IPCEF1: variants seen among roughly 807,000 people sequenced by gnomAD.
IPCEF1 encodes the protein interaction protein for cytohesin exchange factors 1.
A neutral mutation model predicts 50.9 loss-of-function variants in IPCEF1; 31 were observed. The ratio of observed to expected loss-of-function variants is 0.61; its 90% confidence interval spans 0.46 to 0.82. IPCEF1 has a LOEUF of 0.82. Ranked by LOEUF, IPCEF1 falls within the 40% of genes least tolerant of loss-of-function variation. The probability of loss-of-function intolerance (pLI) is 0.00; values close to 1 mark genes in which losing one functional copy is unlikely to be tolerated. For missense variants in IPCEF1, 458 were observed against 514.0 expected (o/e 0.89, Z 1.05); for synonymous variants, 181 against 192.0 (o/e 0.94, Z 0.47).
chr6:154,254,530 C>A (rs892629451), intron 3 of IPCEF1, among the ~76,000 whole-genome samples: 3 of 152,208 alleles, frequency 2.0e-5, no homozygotes, highest in African/African-American at 4.8e-5. Flanking sequence ...CCAGGTCCCT[C>A]CCTCAACATG....
chr6:154,310,063 C>A (rs368896421), intron 1 of IPCEF1, among the ~76,000 whole-genome samples: 37 of 152,292 alleles, frequency 2.4e-4, no homozygotes, highest in African/African-American at 8.7e-4. Context: ...CACACCCGGC[C>A]GTCGCTGTGC....
chr6:154,201,000 T>C (rs556768436), intron 9 of IPCEF1, among the ~76,000 whole-genome samples: 67 of 152,298 alleles, frequency 4.4e-4, no homozygotes, highest in Non-Finnish European at 6.9e-4. Context: ...GTTCTCATGA[T>C]AGTGAGTGAG....
chr6:154,313,067 C>CAAAAAAAAAAAAAAAAAAAA (rs71021040), intron 1 of IPCEF1, among the ~76,000 whole-genome samples: 2 of 59,038 alleles, frequency 3.4e-5, no homozygotes, highest in African/African-American at 2.1e-4. Flanking sequence ...GGCCCTGTCT[C>CAAAAAAAAAAAAAAAAAAAA]AAAAAAAAAA....
chr6:154,331,194 G>A (rs1444644771), intron 1 of IPCEF1, among the ~76,000 whole-genome samples: 2 of 151,976 alleles, frequency 1.3e-5, no homozygotes, highest in African/African-American at 2.4e-5. Context: ...TTGAACCCGG[G>A]AAGTGGAGGC....
In IPCEF1 at chr6:154,299,663, G is replaced by T. The variant is rs535418866; in HGVS notation, c.-61-9907C>A. 5.0e-5 allele frequency among the ~76,000 whole-genome samples: 7 copies of T among 140,332 alleles called. No homozygotes were observed. In the East Asian group the frequency reaches 1.4e-3, roughly 28 times the overall value. 92.1% of individuals were successfully genotyped at this position (140,332 alleles called of 152,430 possible). On this transcript the variant is annotated intron_variant, in intron 1 of 11. Coordinates refer to ENST00000367220, the MANE Select transcript of IPCEF1 (RefSeq NM_001130700.2). Reference sequence around the variant, plus strand: ...AATGCATGCTGGGCTTAATACCTAGGTGATGGGTTGATAGGTGCAGCAAAC... The same window carrying T: ...AATGCATGCTGGGCTTAATACCTAGTTGATGGGTTGATAGGTGCAGCAAAC...
At chr6:154,236,372 G>A (rs770042462) in intron 5 of IPCEF1, among the ~76,000 whole-genome samples, 1 of 152,210 alleles carries the variant, frequency 6.6e-6, no homozygotes, top group East Asian at 1.9e-4. Context: ...GAGGAGAATG[G>A]TGGTTGCCAG....
At chr6:154,214,363 G>T (rs1014179481) in intron 7 of IPCEF1, 87 bp from the exon 8 acceptor site, 23 of 913,106 alleles carry the variant, frequency 2.5e-5, no homozygotes, top group Non-Finnish European at 4.2e-5. Context: ...ATGAAATTAG[G>T]TCATGATTCT....
intron 2 of IPCEF1, among the ~76,000 whole-genome samples, chr6:154,286,087 C>A (rs1583947324): frequency 6.6e-6 from 1 of 152,072 alleles, no homozygotes. Flanking sequence ...AATTATGGGG[C>A]CAAGAATGTA....
At chr6:154,257,026 G>A (rs1781479160) in intron 3 of IPCEF1, among the ~76,000 whole-genome samples, 1 of 152,150 alleles carries the variant, frequency 6.6e-6, no homozygotes, top group Non-Finnish European at 1.5e-5. Context: ...TGTATTAAGT[G>A]CATTTTCAAC....
At chr6:154,288,020 G>T (rs1175672446) in intron 2 of IPCEF1, among the ~76,000 whole-genome samples, 1 of 152,100 alleles carries the variant, frequency 6.6e-6, no homozygotes, top group Non-Finnish European at 1.5e-5. Flanking sequence ...TGAAACAATA[G>T]AATTTATGTC....
At chr6:154,186,486 G>A (rs1436646297) in intron 10 of IPCEF1, among the ~76,000 whole-genome samples, 5 of 152,082 alleles carry the variant, frequency 3.3e-5, no homozygotes, top group Non-Finnish European at 5.9e-5. Context: ...CAGCCACCTC[G>A]CCGCCTATCC....
intron 10 of IPCEF1, among the ~76,000 whole-genome samples, chr6:154,187,904 G>C (rs112088569): frequency 1.3e-5 from 2 of 152,160 alleles, no homozygotes; most frequent in Non-Finnish European, 2.9e-5. Context: ...TGATGAAAAA[G>C]TACCTACTTC....
intron 8 of IPCEF1, 93 bp downstream of exon 8, chr6:154,214,125 G>T: frequency 1.2e-6 from 1 of 842,610 alleles, no homozygotes; most frequent in Non-Finnish European, 2.1e-6. Flanking sequence ...CTCAGGATCA[G>T]ACTATACATA....
intron 10 of IPCEF1, among the ~76,000 whole-genome samples, chr6:154,171,228 T>C (rs2350876): frequency 2.0e-5 from 3 of 152,282 alleles, no homozygotes; most frequent in Admixed American, 2.0e-4. Context: ...GTTCATCAGC[T>C]GATGAAAGGA....
chr6:154,187,106 G>A (rs1171066263), intron 10 of IPCEF1, among the ~76,000 whole-genome samples: 1 of 151,180 alleles, frequency 6.6e-6, no homozygotes, highest in Non-Finnish European at 1.5e-5. Flanking sequence ...GACTGCACTT[G>A]TTGTGTTTTT....
intron 1 of IPCEF1, among the ~76,000 whole-genome samples, chr6:154,351,503 G>C (rs1784118908): frequency 6.6e-6 from 1 of 152,158 alleles, no homozygotes; most frequent in African/African-American, 2.4e-5. Context: ...CTTCACTAAG[G>C]AATAGAAAAG....
intron 2 of IPCEF1, among the ~76,000 whole-genome samples, chr6:154,273,724 C>CTTTTTTTTTTTTT (rs71021036): frequency 1.6e-5 from 1 of 63,316 alleles, no homozygotes; most frequent in Non-Finnish European, 3.2e-5. Context: ...TTCTTTCTTT[C>CTTTTTTTTTTTTT]TTTTTTTTTT....
At chr6:154,248,827 A>G (rs560910414) in intron 3 of IPCEF1, among the ~76,000 whole-genome samples, 1 of 152,306 alleles carries the variant, frequency 6.6e-6, no homozygotes, top group South Asian at 2.1e-4. Context: ...AAATCCTCTG[A>G]GAACTAAACA....
At chr6:154,222,213 G>A (rs1320455955) in intron 6 of IPCEF1, among the ~76,000 whole-genome samples, 1 of 152,212 alleles carries the variant, frequency 6.6e-6, no homozygotes, top group Non-Finnish European at 1.5e-5. Flanking sequence ...AATGAGAAGG[G>A]CTTCCACTTT....
Sources: gnomAD v4.1 joint callset for allele counts (sites outside exome capture counted in the v4.1 genomes callset) on GRCh38, gnomAD v4.1.1 for gene constraint, MANE v1.5 for transcripts, NCBI Gene and HGNC (gene_info 2026-07-23, HGNC 2026-07-21) for gene names.